CTNNA2: variants seen among roughly 807,000 people sequenced by gnomAD.
The protein encoded by CTNNA2 is catenin alpha 2, also known as catenin alpha-2.
CTNNA2 carries 42 observed loss-of-function variants against 101.0 expected under a neutral mutation model. The ratio of observed to expected loss-of-function variants is 0.42; its 90% CI spans 0.32 to 0.54. The LOEUF is 0.54. Ranked by LOEUF, CTNNA2 falls within the 20% of genes least tolerant of loss-of-function variation. CTNNA2 has a pLI of 0.14. For missense variants in CTNNA2, 871 were observed against 1,223.1 expected (o/e 0.71, Z 4.29); for synonymous variants, 450 against 456.4 (o/e 0.99, Z 0.18).
chr2:80,292,824 A>G (rs1221890622), intron 7 of CTNNA2, among the ~76,000 whole-genome samples: 1 of 152,216 alleles, frequency 6.6e-6, no homozygotes, highest in Non-Finnish European at 1.5e-5. Flanking sequence ...CGGAAGTTAA[A>G]AGCATCTGAG....
chr2:79,569,654 G>A (rs1675339595), intron 1 of CTNNA2, among the ~76,000 whole-genome samples: 1 of 152,108 alleles, frequency 6.6e-6, no homozygotes, highest in Admixed American at 6.6e-5. Flanking sequence ...AACTACCAAA[G>A]TCACTTAAGT....
chr2:80,014,951 C>G (rs1694040444), intron 7 of CTNNA2, among the ~76,000 whole-genome samples: 1 of 152,122 alleles, frequency 6.6e-6, no homozygotes, highest in Admixed American at 6.5e-5. Context: ...CTGGAGATGC[C>G]ATGATGTGGG....
chr2:80,119,682 A>G (rs992119405), intron 7 of CTNNA2, among the ~76,000 whole-genome samples: 2 of 152,304 alleles, frequency 1.3e-5, no homozygotes, highest in Non-Finnish European at 2.9e-5. Context: ...TAGTTTCTGA[A>G]TCCTCAATGT....
intron 3 of CTNNA2, among the ~76,000 whole-genome samples, chr2:79,775,052 A>G (rs184411212): frequency 1.3e-5 from 2 of 152,312 alleles, no homozygotes; most frequent in African/African-American, 4.8e-5. Context: ...TTGCTTGGGA[A>G]GGGGGCGATA....
chr2:79,913,241 A>C (rs1170246025), intron 7 of CTNNA2, among the ~76,000 whole-genome samples: 3 of 152,224 alleles, frequency 2.0e-5, no homozygotes, highest in African/African-American at 4.8e-5. Context: ...GGTGCGTTGA[A>C]AGGATGACAT....
intron 3 of CTNNA2, among the ~76,000 whole-genome samples, chr2:79,843,174 T>G (rs190474879): frequency 2.1e-4 from 32 of 152,368 alleles, no homozygotes; most frequent in Admixed American, 5.2e-4. Context: ...AAGCATTAAC[T>G]GGAGTATTTA....
intron 3 of CTNNA2, among the ~76,000 whole-genome samples, chr2:79,845,132 C>A (rs1423385179): frequency 6.7e-6 from 1 of 149,366 alleles, no homozygotes; most frequent in Non-Finnish European, 1.5e-5. Context: ...ACTAAGTACC[C>A]CCTACATACT....
intron 2 of CTNNA2, among the ~76,000 whole-genome samples, chr2:79,249,746 A>T (rs918698623): frequency 2.6e-5 from 4 of 152,152 alleles, no homozygotes; most frequent in Non-Finnish European, 5.9e-5. Context: ...TTCCATACAG[A>T]GAATTAGACC....
intron 3 of CTNNA2, among the ~76,000 whole-genome samples, chr2:79,368,969 T>A (rs1019941060): frequency 1.3e-5 from 2 of 152,098 alleles, no homozygotes; most frequent in Non-Finnish European, 1.5e-5. Context: ...AAGAAGAAAA[T>A]CTTTCTCCTG....
intron 7 of CTNNA2, among the ~76,000 whole-genome samples, chr2:80,198,655 C>G (rs1706999973): frequency 6.6e-6 from 1 of 152,248 alleles, no homozygotes; most frequent in Non-Finnish European, 1.5e-5. Flanking sequence ...CAAGACAGAA[C>G]AGTATATTCT....
At chr2:80,624,307 G>A (rs1484780997) in intron 18 of CTNNA2, among the ~76,000 whole-genome samples, 1 of 151,998 alleles carries the variant, frequency 6.6e-6, no homozygotes, top group Non-Finnish European at 1.5e-5. Context: ...TGCCCATGCA[G>A]TATATGACCT....
rs528108830 is a variant in CTNNA2 at position 79,428,446 on chromosome 2, T to TG, written c.-135+54436dup. On this transcript the variant is annotated intron_variant, in intron 4 of 21. Coordinates refer to the CTNNA2 transcript ENST00000466387. ...GTAAGCTGGAACATCTAGTAGTCAC[T>TG]GGGAACAGAAAGTGCTTGACAGGAT... is the stretch of plus-strand genomic sequence containing the variant. Among the ~76,000 whole-genome samples, 231 of 152,194 alleles carry TG rather than the reference T, an allele frequency of 1.5e-3. 2 individuals carry two copies. The highest frequency in any genetic ancestry group is 5.4e-3 in the African/African-American group (225 of 41,538).
At chr2:79,463,704 T>C (rs1394048177) in intron 4 of CTNNA2, among the ~76,000 whole-genome samples, 3 of 152,080 alleles carry the variant, frequency 2.0e-5, no homozygotes, top group Non-Finnish European at 4.4e-5. Context: ...ATGTGGAAAA[T>C]AAAGCCTGAA....
intron 9 of CTNNA2, among the ~76,000 whole-genome samples, chr2:80,429,596 A>G (rs567819112): frequency 1.0e-3 from 155 of 152,356 alleles, no homozygotes; most frequent in South Asian, 3.5e-3. Context: ...GCGTAATTGT[A>G]TAGGCATTAA....
intron 7 of CTNNA2, among the ~76,000 whole-genome samples, chr2:80,088,690 C>T (rs748853430): frequency 7.9e-5 from 12 of 151,814 alleles, no homozygotes; most frequent in Non-Finnish European, 1.8e-4. Context: ...CATAGATGCT[C>T]AATTGGTATT....
chr2:79,655,769 C>T (rs1056303957), intron 2 of CTNNA2, among the ~76,000 whole-genome samples: 2 of 150,414 alleles, frequency 1.3e-5, no homozygotes, highest in African/African-American at 4.9e-5. Flanking sequence ...GCAGAGGTTA[C>T]AGTGAGCCAA....
At chr2:79,733,186 G>GT (rs1573821149) in intron 2 of CTNNA2, among the ~76,000 whole-genome samples, 1 of 152,030 alleles carries the variant, frequency 6.6e-6, no homozygotes, top group Non-Finnish European at 1.5e-5. Context: ...ATTTGCTGGT[G>GT]TTTTTTCTTT....
chr2:79,922,601 T>G (rs1686743276), intron 7 of CTNNA2, among the ~76,000 whole-genome samples: 1 of 151,820 alleles, frequency 6.6e-6, no homozygotes, highest in Admixed American at 6.6e-5. Context: ...CTGTTTATTT[T>G]CAACCACTTG....
At position 79,902,882 on chromosome 2, in the gene CTNNA2, C is replaced by T. The variant is rs542406895; in HGVS notation, c.853-6712C>T. ...CCTTGTGATCTGCCTGCCTCAGCCT[C>T]CCAAAGTGCTGGGATTACGGGCATG... On this transcript the variant is annotated intron_variant, in intron 6 of 18. Coordinates refer to ENST00000402739, the MANE Select transcript of CTNNA2 (RefSeq NM_001282597.3). Among the ~76,000 whole-genome samples the T allele has an allele frequency of 1.4e-4, 22 of 152,290 alleles. No homozygotes were observed. In the South Asian group the frequency reaches 4.6e-3, roughly 32 times the overall value.
Sources: gnomAD v4.1 joint callset for allele counts (sites outside exome capture counted in the v4.1 genomes callset) on GRCh38, gnomAD v4.1.1 for gene constraint, MANE v1.5 for transcripts, NCBI Gene and HGNC (gene_info 2026-07-23, HGNC 2026-07-21) for gene names.